The following MCM3 variants were observed in gnomAD, a reference collection of about 807,000 sequenced individuals.
The protein encoded by MCM3 is minichromosome maintenance complex component 3.
Under a neutral mutation model 91.3 loss-of-function variants are expected in MCM3, and 59 were observed. The observed-to-expected ratio is 0.65, with a 90% confidence interval of 0.52 to 0.80. The LOEUF (loss-of-function observed/expected upper bound fraction) is 0.80. Among genes scored for constraint, MCM3 ranks in the 30% least tolerant of loss-of-function variants. MCM3 has a pLI of 0.00. For synonymous variants in MCM3, 383 were observed against 379.6 expected, an observed-to-expected ratio of 1.01 and a Z score of -0.10; for missense variants, 919 against 1,035.4, an observed-to-expected ratio of 0.89 and a Z score of 1.54.
chr6:52,282,229 G>A lies in MCM3; in HGVS notation c.401-54C>T, dbSNP rs868292442. 5 of 1,565,978 alleles carry A rather than the reference G, an allele frequency of 3.2e-6. No homozygotes were observed. In the Middle Eastern group the frequency reaches 8.4e-4, roughly 263 times the overall value. ...CTCACCCAACTAGACGATGATACAGGTGGAACCCAAACATATGCAAGCCTA... is the reference window on the plus strand; with the variant it reads ...CTCACCCAACTAGACGATGATACAGATGGAACCCAAACATATGCAAGCCTA... On this transcript the variant is annotated intron_variant, in intron 3 of 16. Coordinates refer to ENST00000596288, the MANE Select transcript of MCM3 (RefSeq NM_002388.6).
In MCM3 at chr6:52,280,472, G is replaced by A. The variant is rs1303520717; in HGVS notation, c.532-873C>T. 2.6e-5 allele frequency among the ~76,000 whole-genome samples: 4 copies of A among 152,204 alleles called. No individual in the cohort carries two copies. The South Asian group carries it at 6.2e-4, about 24-fold the overall frequency. The stretch of plus-strand genomic sequence containing the variant: ...CTTTGTAAAGAAGGTATTTTCACAC[G>A]TCATGCACAAGGAAACCAGGAGACT... On this transcript the variant is annotated intron_variant, in intron 4 of 16. Coordinates refer to ENST00000596288, the MANE Select transcript of MCM3 (RefSeq NM_002388.6).
chr6:52,282,662 C>T lies in MCM3; in HGVS notation c.391G>A (p.Val131Ile), dbSNP rs749662720. 6.2e-7 allele frequency: 1 copy of T among 1,613,096 alleles called. No individual in the cohort carries two copies. The highest frequency in any genetic ancestry group is 8.5e-7 in the Non-Finnish European group (1 of 1,179,994). ...LSCVVCVEGIVTKCSLVRPKV... is the reference protein window; with the variant it reads ...LSCVVCVEGIITKCSLVRPKV... ...CCTTTAACCCACTTACATTTAGTGA[C>T]AATGCCCTCCACACAGACCACACAG... is the stretch of plus-strand genomic sequence containing the variant. The change falls in exon 3 of 17, where the codon GTC (valine) becomes ATC (isoleucine). Residue 131 changes from valine to isoleucine, a missense_variant. Val to Ile is a conservative substitution (Grantham distance 29, BLOSUM62 3). Around this residue, in one of 3 missense-constraint regions of MCM3, gnomAD observed 401 missense variants for 402.7 expected, o/e 1.00. Transcript: ENST00000596288.
Position 52,282,785 on chromosome 6 carries a change from T to C in MCM3, c.268A>G (p.Thr90Ala), listed in dbSNP as rs1423554744. The C allele has an allele frequency of 6.2e-7, 1 of 1,613,914 alleles. No homozygotes were observed. Among genetic ancestry groups the C allele is most frequent in the Admixed American group, 1.7e-5 (1 of 59,996 alleles). The change falls in exon 3 of 17, where the codon ACC becomes GCC. Residue 90 changes from threonine to alanine, a missense_variant. Thr to Ala is a moderately conservative substitution (Grantham distance 58). This residue lies in a region of MCM3 where 401 missense variants were observed against 402.7 expected (regional missense o/e 1.00). Transcript: ENST00000596288. ...AACTCCTCATACTGCTTGGCATAGGTAGCATCAATGGAGGCCACAAAATCC... is the reference window on the plus strand; with the variant it reads ...AACTCCTCATACTGCTTGGCATAGGCAGCATCAATGGAGGCCACAAAATCC... Reference protein sequence around the residue: ...LKDFVASIDATYAKQYEEFYV... With the variant: ...LKDFVASIDAAYAKQYEEFYV...
In MCM3 at chr6:52,276,330, T is replaced by C. The variant is rs552616350; in HGVS notation, c.1312A>G (p.Ile438Val). 6.2e-7 allele frequency: 1 copy of C among 1,613,558 alleles called. No homozygotes were observed. The highest frequency in any genetic ancestry group is 1.3e-5 in the African/African-American group (1 of 75,028). Reference sequence around the variant, plus strand: ...CAGCGGGCATTCAGCCGAGCATGGATGCCAGCCTTGGCAATGGTCACTCGA... The same window carrying C: ...CAGCGGGCATTCAGCCGAGCATGGACGCCAGCCTTGGCAATGGTCACTCGA... ...QGRVTIAKAGIHARLNARCSV... is the reference protein window; with the variant it reads ...QGRVTIAKAGVHARLNARCSV... The change falls in exon 9 of 17, where the codon ATC becomes GTC. Residue 438 changes from isoleucine (I) to valine (V), a missense_variant. Ile to Val is a conservative substitution (Grantham distance 29). Transcript: ENST00000596288.
intron 12 of MCM3, among the ~76,000 whole-genome samples, chr6:52,269,964 G>C (rs1205319210): frequency 1.3e-5 from 2 of 152,184 alleles, no homozygotes; most frequent in African/African-American, 4.8e-5. Context: ...GGATAAGAAA[G>C]CTGACCTGAC....
rs1299870343 is a variant in MCM3 at position 52,283,342 on chromosome 6, A to G, written c.143T>C (p.Ile48Thr). The change falls in exon 2 of 17, where the codon ATT becomes ACT. Residue 48 changes from isoleucine to threonine, a missense_variant. This residue lies in a region of MCM3 where 401 missense variants were observed against 402.7 expected (regional missense o/e 1.00). Transcript: ENST00000596288. ...ELISDNQYRL[I>T]VNVNDLRRKN... ...CCTGCGCAGGTCATTCACATTGACA[A>G]TCAGCCGGTATTGGTTGTCACTGAT... 3.1e-6 allele frequency: 5 copies of G among 1,614,060 alleles called. No homozygotes were observed. The highest frequency in any genetic ancestry group is 1.3e-5 in the African/African-American group (1 of 74,924).
chr6:52,267,457 G>A (rs1209354642), intron 14 of MCM3, among the ~76,000 whole-genome samples: 1 of 151,290 alleles, frequency 6.6e-6, no homozygotes. Flanking sequence ...TGAACAACCT[G>A]ACATCAATAA....
In MCM3 at chr6:52,277,534, C is replaced by G. The variant is rs1270022822; in HGVS notation, c.1033+1G>C. 3.1e-6 allele frequency: 5 copies of G among 1,612,076 alleles called. No individual in the cohort carries two copies. The highest frequency in any genetic ancestry group is 4.2e-6 in the Non-Finnish European group (5 of 1,179,048). On this transcript the variant is annotated splice_donor_variant, in intron 7 of 16. Transcript: ENST00000596288. LOFTEE classifies it high-confidence loss of function. ...TCTAAAGCAAATCCCCAACATCGTA[C>G]CTATTAGAAGAATATTGATGTCCCC...
intron 10 of MCM3, 74 bp from the exon 11 acceptor site, chr6:52,273,430 C>A: frequency 6.8e-7 from 1 of 1,463,882 alleles, no homozygotes; most frequent in Non-Finnish European, 9.5e-7. Flanking sequence ...TTCTATAGCA[C>A]AAGAAGGGGA....
At chr6:52,283,210 C>A in intron 2 of MCM3, 84 bp downstream of exon 2, 3 of 1,094,440 alleles carry the variant, frequency 2.7e-6, no homozygotes, top group South Asian at 1.3e-5. Flanking sequence ...TCATACAAGT[C>A]CTCTCCTGAG....
At chr6:52,267,330 T>G (rs1764719321) in intron 14 of MCM3, among the ~76,000 whole-genome samples, 1 of 151,932 alleles carries the variant, frequency 6.6e-6, no homozygotes, top group South Asian at 2.1e-4. Context: ...TCTCCTGACC[T>G]CGTGATCCGC....
chr6:52,267,827 C>A, intron 14 of MCM3, 38 bp downstream of exon 14: 1 of 807,348 alleles, frequency 1.2e-6, no homozygotes, highest in Non-Finnish European at 2.1e-6. Context: ...ACTTCTTGGC[C>A]ACTAACTTTT....
intron 9 of MCM3, among the ~76,000 whole-genome samples, chr6:52,275,242 G>T (rs1765463117): frequency 6.6e-6 from 1 of 152,194 alleles, no homozygotes; most frequent in African/African-American, 2.4e-5. Context: ...TCGCAACAAG[G>T]TGTTCCCATA....
At chr6:52,282,591 C>T (rs1350898222) in intron 3 of MCM3, 62 bp downstream of exon 3, 2 of 1,527,720 alleles carry the variant, frequency 1.3e-6, no homozygotes, top group Non-Finnish European at 1.8e-6. Context: ...TACTTTGCCT[C>T]TCCTGCTTTC....
Position 52,272,378 on chromosome 6 carries a change from G to GT in MCM3, c.1749dup (p.Gln584ThrfsTer19). 1 of 1,614,160 alleles carries GT rather than the reference G, an allele frequency of 6.2e-7. No individual in the cohort carries two copies. The highest frequency in any genetic ancestry group is 1.1e-5 in the South Asian group (1 of 91,082). On this transcript the variant is annotated frameshift_variant, in exon 12 of 17. Transcript: ENST00000596288. LOFTEE classifies it high-confidence loss of function. The stretch of plus-strand genomic sequence containing the variant: ...TCTGCAATGTAGGTGGCCGACTCCT[G>GT]TGTCAGGACAGGCTTGATGATTTTG...
chr6:52,283,917 G>T (rs986339116), intron 1 of MCM3, among the ~76,000 whole-genome samples: 2 of 151,838 alleles, frequency 1.3e-5, no homozygotes, highest in South Asian at 4.1e-4. Context: ...CATTAAAATG[G>T]CTTTTCATTT....
Position 52,277,207 on chromosome 6 carries a change from T to C in MCM3, c.1034-9A>G. On this transcript the variant is annotated splice_polypyrimidine_tract_variant and intron_variant, in intron 7 of 16. Transcript: ENST00000596288. Reference sequence around the variant, plus strand: ...GGCAACGGATGGGTCTCCTGTAGGGTGGGGGCAGTGATGACTCTCTAGGAA... The same window carrying C: ...GGCAACGGATGGGTCTCCTGTAGGGCGGGGGCAGTGATGACTCTCTAGGAA... 1 of 1,610,564 alleles carries C rather than the reference T, an allele frequency of 6.2e-7. No individual in the cohort carries two copies. Among genetic ancestry groups the C allele is most frequent in the Non-Finnish European group, 8.5e-7 (1 of 1,178,400 alleles).
chr6:52,267,728 A>G, intron 14 of MCM3, 137 bp downstream of exon 14: 1 of 647,876 alleles, frequency 1.5e-6, no homozygotes, highest in Non-Finnish European at 2.8e-6. Context: ...GTTTTGCCAT[A>G]TTTCCCAGGC....
intron 11 of MCM3, among the ~76,000 whole-genome samples, chr6:52,272,934 A>G (rs1765257071): frequency 6.6e-6 from 1 of 152,230 alleles, no homozygotes. Context: ...AAATGGCTAC[A>G]TGACACTTGC....
Sources: allele counts gnomAD v4.1 joint callset (sites outside exome capture counted in the v4.1 genomes callset), GRCh38; gene constraint gnomAD v4.1.1; regional missense constraint gnomAD v4.1.1; transcripts MANE v1.5; gene names NCBI Gene and HGNC (gene_info 2026-07-23, HGNC 2026-07-21).